The following CMYA5 variants were observed in gnomAD, a reference collection of about 807,000 sequenced individuals.
CMYA5 encodes the protein cardiomyopathy associated 5, also known as cardiomyopathy-associated protein 5.
In CMYA5, 246 loss-of-function variants were observed where a neutral mutation model predicts 318.9. The ratio of observed to expected loss-of-function variants is 0.77; its 90% CI spans 0.70 to 0.86. The LOEUF (loss-of-function observed/expected upper bound fraction) is 0.86. CMYA5 is among the 40% of genes least tolerant of loss of function. The pLI, the probability that CMYA5 is intolerant of heterozygous loss-of-function variation, is 0.00. For missense variants in CMYA5, 4,589 were observed against 4,678.2 expected (o/e 0.98, Z 0.56); for synonymous variants, 1,641 against 1,729.5 (o/e 0.95, Z 1.27).
At chr5:79,790,046 C>T (rs1278614860) in intron 10 of CMYA5, among the ~76,000 whole-genome samples, 1 of 152,182 alleles carries the variant, frequency 6.6e-6, no homozygotes, top group Non-Finnish European at 1.5e-5. Context: ...ATTATCTTAT[C>T]CTAGACACAG....
At chr5:79,702,915 G>C (rs568458591) in intron 1 of CMYA5, among the ~76,000 whole-genome samples, 4 of 152,284 alleles carry the variant, frequency 2.6e-5, no homozygotes, top group Admixed American at 2.0e-4. Flanking sequence ...CTGCCAGAGA[G>C]AACAAGGAGC....
chr5:79,699,946 A>C (rs1002250399), intron 1 of CMYA5, among the ~76,000 whole-genome samples: 73 of 152,228 alleles, frequency 4.8e-4, no homozygotes, highest in Non-Finnish European at 7.3e-5. Context: ...CTAGGTGGTC[A>C]GGGAGATGCA....
intron 1 of CMYA5, among the ~76,000 whole-genome samples, chr5:79,703,193 T>G (rs1827206182): frequency 6.6e-6 from 1 of 152,216 alleles, no homozygotes; most frequent in Non-Finnish European, 1.5e-5. Flanking sequence ...GCAGTATATT[T>G]TGCTATTTCT....
intron 7 of CMYA5, among the ~76,000 whole-genome samples, chr5:79,759,709 G>A (rs1378263875): frequency 1.3e-5 from 2 of 152,158 alleles, no homozygotes; most frequent in African/African-American, 4.8e-5. Context: ...ATGAGCATGT[G>A]GCAGGCTTGG....
chr5:79,707,793 A>G (rs1163457650), intron 1 of CMYA5, among the ~76,000 whole-genome samples: 1 of 152,240 alleles, frequency 6.6e-6, no homozygotes, highest in Non-Finnish European at 1.5e-5. Flanking sequence ...ACAGTGCCTT[A>G]GTCTGTCCGT....
rs755008335 is a variant in CMYA5 at position 79,732,213 on chromosome 5, C to T, written c.3448C>T (p.Pro1150Ser). Residue 1150 changes from proline (P) to serine (S), a missense_variant, in exon 2 of 13, where the codon CCT becomes TCT. Physicochemically the swap from Pro to Ser is moderately conservative, Grantham distance 74. Around this residue, in one of 3 missense-constraint regions of CMYA5, gnomAD observed 2,132 missense variants for 2,131.3 expected, o/e 1.00. Transcript: ENST00000446378. ...REASSSVAAI[P>S]AALPAQSSIV... ...GGCAAGTTCATCAGTAGCTGCAATA[C>T]CTGCTGCTTTACCTGCACAATCATC... is the stretch of plus-strand genomic sequence containing the variant. 4 of 1,613,840 alleles carry T rather than the reference C, an allele frequency of 2.5e-6. No individual in the cohort carries two copies. In the East Asian group the frequency reaches 8.9e-5, roughly 36 times the overall value.
intron 1 of CMYA5, among the ~76,000 whole-genome samples, chr5:79,692,740 T>C (rs1040012773): frequency 6.6e-6 from 1 of 152,246 alleles, no homozygotes; most frequent in African/African-American, 2.4e-5. Flanking sequence ...AGCTTTAGTT[T>C]CTTTTATTCC....
chr5:79,731,487 T>C lies in CMYA5; in HGVS notation c.2722T>C (p.Tyr908His), dbSNP rs997273554. Residue 908 changes from tyrosine (Y) to histidine (H), a missense_variant, in exon 2 of 13, where the codon TAT becomes CAT. Physicochemically the swap from Tyr to His is moderately conservative, Grantham distance 83. This residue lies in a region of CMYA5 where 2,132 missense variants were observed against 2,131.3 expected (regional missense o/e 1.00). Coordinates refer to ENST00000446378, the MANE Select transcript of CMYA5 (RefSeq NM_153610.5). ...TGCTTCTGAATTTTCAGTACCACCA[T>C]ATGCAACACCGGAGGCACAGGAGGA... ...TSASEFSVPP[Y>H]ATPEAQEEEI... is the part of the protein sequence containing the mutation. 6.2e-7 allele frequency: 1 copy of C among 1,607,204 alleles called. No individual in the cohort carries two copies. The highest frequency in any genetic ancestry group is 8.5e-7 in the Non-Finnish European group (1 of 1,176,376).
At chr5:79,699,384 T>C (rs1827134334) in intron 1 of CMYA5, among the ~76,000 whole-genome samples, 1 of 152,190 alleles carries the variant, frequency 6.6e-6, no homozygotes, top group Non-Finnish European at 1.5e-5. Flanking sequence ...GCAGTGGTCA[T>C]TGAATCTGGC....
At chr5:79,761,720 T>G (rs1828654958) in intron 7 of CMYA5, 91 bp from the exon 8 acceptor site, 33 of 1,394,748 alleles carry the variant, frequency 2.4e-5, no homozygotes, top group Non-Finnish European at 2.7e-5. Flanking sequence ...CATTTTCCAC[T>G]GAAAGAAAAT....
At chr5:79,794,528 G>A (rs1431445929) in intron 12 of CMYA5, among the ~76,000 whole-genome samples, 1 of 152,214 alleles carries the variant, frequency 6.6e-6, no homozygotes, top group East Asian at 1.9e-4. Context: ...CCTGTTGGCT[G>A]TTTGCCATAA....
chr5:79,730,152 A>T lies in CMYA5; in HGVS notation c.1387A>T (p.Ile463Leu), dbSNP rs201896325. 7.4e-6 allele frequency: 12 copies of T among 1,613,924 alleles called. No homozygotes were observed. The highest frequency in any genetic ancestry group is 1.0e-5 in the Non-Finnish European group (12 of 1,179,894). The change falls in exon 2 of 13, where the codon ATA becomes TTA. Residue 463 changes from isoleucine (I) to leucine (L), a missense_variant. Ile to Leu is a conservative substitution (Grantham distance 5, BLOSUM62 2). Coordinates refer to ENST00000446378, the MANE Select transcript of CMYA5 (RefSeq NM_153610.5). ...CCAAGAACAGCCGGACCTGACTTCA[A>T]TAGAAAGGGCAGAACCAGTCTCCGC... is the stretch of plus-strand genomic sequence containing the variant. ...PDQEQPDLTSIERAEPVSAKL... is the reference protein window; with the variant it reads ...PDQEQPDLTSLERAEPVSAKL...
chr5:79,700,097 C>A (rs975165316), intron 1 of CMYA5, among the ~76,000 whole-genome samples: 16 of 152,196 alleles, frequency 1.1e-4, no homozygotes, highest in African/African-American at 2.9e-4. Context: ...GAAATGGCAA[C>A]CACTCTTATA....
At position 79,746,891 on chromosome 5, in the gene CMYA5, G is replaced by A. The variant is rs554345797; in HGVS notation, c.10969-200G>A. On this transcript the variant is annotated intron_variant, in intron 4 of 12. Coordinates refer to ENST00000446378, the MANE Select transcript of CMYA5 (RefSeq NM_153610.5). ...ACCCATTCCCCCTCCCCTGCACCCC[G>A]CCTTGTGAGCACTTATGTCCTTGCT... Among the ~76,000 whole-genome samples, 34 of 140,528 alleles carry A rather than the reference G, an allele frequency of 2.4e-4. 1 individual carries two copies. The South Asian group carries it at 5.2e-3, about 22-fold the overall frequency. The allele number at this position is 140,528 out of a possible 152,430, so 92.2% of individuals were successfully genotyped here. A position where few individuals can be genotyped will look rare whatever the true frequency, so the allele number is the denominator to read the frequency against.
rs1413037754 is a variant in CMYA5, at chr5:79,732,414, A to C, written c.3649A>C (p.Thr1217Pro). ...EEIVPDSQEA[T>P]AHVSQDQKME... ...AATTGTGCCTGATTCTCAAGAAGCT[A>C]CAGCACATGTATCACAGGATCAAAA... is the stretch of plus-strand genomic sequence containing the variant. Residue 1217 changes from threonine (T) to proline (P), a missense_variant, in exon 2 of 13, where the codon ACA becomes CCA. By Grantham distance (38) the Thr-to-Pro change is conservative. Around this residue, in one of 3 missense-constraint regions of CMYA5, gnomAD observed 2,132 missense variants for 2,131.3 expected, o/e 1.00. Transcript: ENST00000446378. The C allele has an allele frequency of 1.9e-6, 3 of 1,613,750 alleles. No homozygotes were observed. The Admixed American group carries it at 5.0e-5, about 27-fold the overall frequency.
intron 9 of CMYA5, among the ~76,000 whole-genome samples, chr5:79,785,755 C>A (rs1263539142): frequency 6.6e-6 from 1 of 152,128 alleles, no homozygotes; most frequent in Admixed American, 6.5e-5. Flanking sequence ...TTTTTAACCT[C>A]ATGTTTCTCT....
chr5:79,691,438 G>T (rs1293272457), intron 1 of CMYA5, among the ~76,000 whole-genome samples: 1 of 152,206 alleles, frequency 6.6e-6, no homozygotes, highest in Non-Finnish European at 1.5e-5. Context: ...ATTCACTCTG[G>T]GGTTGCATTG....
chr5:79,774,073 C>T (rs1486140167), intron 9 of CMYA5, among the ~76,000 whole-genome samples: 1 of 152,168 alleles, frequency 6.6e-6, no homozygotes, highest in African/African-American at 2.4e-5. Context: ...TGGCCTCTGG[C>T]GATTCCAATT....
At chr5:79,741,544 G>A (rs1271615887) in intron 2 of CMYA5, among the ~76,000 whole-genome samples, 1 of 152,068 alleles carries the variant, frequency 6.6e-6, no homozygotes, top group African/African-American at 2.4e-5. Flanking sequence ...GTTCTCCAGG[G>A]TATAGTTTTG....
Sources: gnomAD v4.1 joint callset for allele counts (sites outside exome capture counted in the v4.1 genomes callset) on GRCh38, gnomAD v4.1.1 for gene constraint, gnomAD v4.1.1 regional missense constraint, MANE v1.5 for transcripts, NCBI Gene and HGNC (gene_info 2026-07-23, HGNC 2026-07-21) for gene names.